HGD: variants seen among roughly 807,000 people sequenced by gnomAD.
HGD encodes homogentisate 1,2-dioxygenase, also known as homogentisate oxidase.
HGD carries 61 observed loss-of-function variants against 60.8 expected under a neutral mutation model. That is an observed-to-expected ratio of 1.00 (90% CI 0.82 to 1.24). HGD has a LOEUF of 1.24. HGD is among the 50% of genes most tolerant of loss of function. HGD has a pLI of 0.00. For synonymous variants in HGD, 212 were observed against 187.7 expected (o/e 1.13, Z -1.06); for missense variants, 542 against 547.1 (o/e 0.99, Z 0.09).
intron 4 of HGD, among the ~76,000 whole-genome samples, chr3:120,668,345 T>C (rs1283862684): frequency 6.6e-6 from 1 of 152,118 alleles, no homozygotes; most frequent in African/African-American, 2.4e-5. Flanking sequence ...ATTTCCATAA[T>C]TAAGACAAGA....
intron 3 of HGD, 71 bp downstream of exon 3, chr3:120,674,830 G>A: frequency 6.9e-6 from 7 of 1,016,438 alleles, no homozygotes; most frequent in Non-Finnish European, 1.1e-5. Flanking sequence ...TGGCCCAGGG[G>A]AAGGAGGCAG....
intron 4 of HGD, among the ~76,000 whole-genome samples, chr3:120,666,502 G>A (rs2204995): frequency 3.3e-5 from 5 of 152,054 alleles, no homozygotes; most frequent in African/African-American, 1.2e-4. Context: ...ATTATTTTGA[G>A]ATGGAGTTTT....
intron 5 of HGD, among the ~76,000 whole-genome samples, chr3:120,651,802 C>A (rs1269592729): frequency 6.6e-6 from 1 of 152,156 alleles, no homozygotes. Context: ...CTATAACTAC[C>A]AAACAGAGCT....
At chr3:120,667,403 C>A (rs1162791632) in intron 4 of HGD, among the ~76,000 whole-genome samples, 1 of 149,274 alleles carries the variant, frequency 6.7e-6, no homozygotes, top group Non-Finnish European at 1.5e-5. Flanking sequence ...ATGGATATGT[C>A]ACACGAACTC....
chr3:120,636,953 C>G (rs745550925), intron 12 of HGD, among the ~76,000 whole-genome samples: 4 of 152,106 alleles, frequency 2.6e-5, no homozygotes, highest in Non-Finnish European at 5.9e-5. Context: ...AGGTGGAATG[C>G]CTCTTAGAGT....
Position 120,670,421 on chromosome 3 carries a change from G to C in HGD, c.282+6C>G. The C allele has an allele frequency of 6.8e-7, 1 of 1,460,590 alleles. No individual in the cohort carries two copies. The highest frequency in any genetic ancestry group is 1.1e-5 in the South Asian group (1 of 88,184). The allele number at this position is 1,460,590 out of a possible 1,614,324, so 90.5% of individuals were successfully genotyped here. On this transcript the variant is annotated splice_donor_region_variant and intron_variant, in intron 4 of 13. Coordinates refer to ENST00000283871, the MANE Select transcript of HGD (RefSeq NM_000187.4). ...TGATAAGCTTCAATTCACAGGACCA[G>C]GTTACCTGGTTAGGATCAGGATCAA...
chr3:120,680,510 A>G (rs2107564603), intron 1 of HGD, among the ~76,000 whole-genome samples: 1 of 152,378 alleles, frequency 6.6e-6, no homozygotes, highest in East Asian at 1.9e-4. Context: ...ACAGCAGGAT[A>G]GGATTTTACA....
At chr3:120,648,044 CCCAGGCTCTG>C (rs1475434017) in intron 6 of HGD, 133 bp from the exon 7 acceptor site, 1 of 761,796 alleles carries the variant, frequency 1.3e-6, no homozygotes, top group African/African-American at 1.7e-5. Flanking sequence ...AGCAAAATGA[CCCAGGCTCTG>C]CCCTTGTGGA....
chr3:120,665,663 G>A (rs1707883076), intron 4 of HGD, among the ~76,000 whole-genome samples: 1 of 152,234 alleles, frequency 6.6e-6, no homozygotes, highest in Non-Finnish European at 1.5e-5. Context: ...GCTTTAGGGG[G>A]AGCAGCCCCC....
chr3:120,681,283 A>C (rs1220840258), intron 1 of HGD, among the ~76,000 whole-genome samples: 2 of 152,224 alleles, frequency 1.3e-5, no homozygotes, highest in African/African-American at 4.8e-5. Context: ...TTACACATGC[A>C]TGCGTTGAGC....
chr3:120,642,868 T>C (rs1279241630), intron 10 of HGD, among the ~76,000 whole-genome samples: 1 of 152,176 alleles, frequency 6.6e-6, no homozygotes, highest in Non-Finnish European at 1.5e-5. Context: ...GCCCGGGTGA[T>C]ACAGTCAACC....
In HGD at chr3:120,653,338, C is replaced by T. The variant is rs536177709; in HGVS notation, c.283-687G>A. 3.7e-4 allele frequency among the ~76,000 whole-genome samples: 56 copies of T among 152,294 alleles called. No individual in the cohort carries two copies. The South Asian group carries it at 5.2e-3, about 14-fold the overall frequency. The stretch of plus-strand genomic sequence containing the variant: ...GGCCCTTCTTGAAGTGTCAGCCCAG[C>T]GCTTATTAATCAACTTGGCAGCAGG... On this transcript the variant is annotated intron_variant, in intron 4 of 13. Coordinates refer to ENST00000283871, the MANE Select transcript of HGD (RefSeq NM_000187.4).
chr3:120,629,963 A>C (rs1348554151), intron 13 of HGD, among the ~76,000 whole-genome samples: 1 of 152,212 alleles, frequency 6.6e-6, no homozygotes, highest in East Asian at 1.9e-4. Flanking sequence ...AATCACTAGC[A>C]TTCCTATACA....
chr3:120,673,220 C>T (rs567639149), intron 3 of HGD, among the ~76,000 whole-genome samples: 63 of 152,180 alleles, frequency 4.1e-4, no homozygotes, highest in African/African-American at 1.5e-3. Context: ...ATAAAACTCC[C>T]CAGGCAGTAC....
Position 120,644,412 on chromosome 3 carries a change from G to T in HGD, c.681C>A (p.Phe227Leu). 1 of 1,614,128 alleles carries T rather than the reference G, an allele frequency of 6.2e-7. No individual in the cohort carries two copies. Among genetic ancestry groups the T allele is most frequent in the South Asian group, 1.1e-5 (1 of 91,076 alleles). Residue 227 changes from phenylalanine to leucine, a missense_variant, in exon 10 of 14, where the codon TTC (phenylalanine) becomes TTA (leucine). This residue lies in a region of HGD where 537 missense variants were observed against 529.1 expected (regional missense o/e 1.01). Coordinates refer to ENST00000283871, the MANE Select transcript of HGD (RefSeq NM_000187.4). ...GANGLANPRDFLIPIAWYEDR... is the reference protein window; with the variant it reads ...GANGLANPRDLLIPIAWYEDR... The stretch of plus-strand genomic sequence containing the variant: ...CCTCATACCAGGCAATGGGTATCAA[G>T]AAATCACGAGGATTGGCCAAGCCAT...
chr3:120,641,467 A>G, intron 11 of HGD, 122 bp downstream of exon 11: 1 of 754,630 alleles, frequency 1.3e-6, no homozygotes, highest in South Asian at 1.4e-5. Context: ...ACAAATGACT[A>G]TATCTAGGGC....
intron 4 of HGD, among the ~76,000 whole-genome samples, chr3:120,658,395 C>CA (rs1015186418): frequency 6.6e-6 from 1 of 152,104 alleles, no homozygotes; most frequent in Non-Finnish European, 1.5e-5. Flanking sequence ...TTTAAAGCTC[C>CA]AAAAAAATCT....
At chr3:120,663,623 G>C (rs1422879610) in intron 4 of HGD, among the ~76,000 whole-genome samples, 2 of 152,146 alleles carry the variant, frequency 1.3e-5, no homozygotes, top group Non-Finnish European at 2.9e-5. Flanking sequence ...ATCATGCAAT[G>C]TCATGGAACC....
chr3:120,657,541 T>C (rs376430303), intron 4 of HGD, among the ~76,000 whole-genome samples: 20 of 152,250 alleles, frequency 1.3e-4, no homozygotes, highest in African/African-American at 4.6e-4. Context: ...GACATATCAT[T>C]AGAAGTGAGT....
Sources: gnomAD v4.1 joint callset for allele counts (sites outside exome capture counted in the v4.1 genomes callset) on GRCh38, gnomAD v4.1.1 for gene constraint, gnomAD v4.1.1 regional missense constraint, MANE v1.5 for transcripts, NCBI Gene and HGNC (gene_info 2026-07-23, HGNC 2026-07-21) for gene names.